The following FAM193B variants were observed in gnomAD, a reference collection of about 807,000 sequenced individuals.
FAM193B encodes the protein protein FAM193B.
FAM193B carries 27 observed loss-of-function variants against 70.7 expected under a neutral mutation model. The ratio of observed to expected loss-of-function variants is 0.38; its 90% CI spans 0.28 to 0.53. The LOEUF is 0.53. FAM193B is among the 20% of genes least tolerant of loss of function. FAM193B has a pLI of 0.81. For missense variants in FAM193B, 1,022 were observed against 1,072.5 expected (o/e 0.95, Z 0.66); for synonymous variants, 448 against 436.0 (o/e 1.03, Z -0.34).
rs367676525 is a variant in FAM193B at position 177,525,142 on chromosome 5, G to A, written c.1339C>T (p.Arg447Trp). ...LKQANRVSGS[R>W]EPRPARERLL... ...CTCTCCCTGGCAGGCCTTGGCTCCCGGCTTCCAGAAACACGATTTGCCTGC... is the reference window on the plus strand; with the variant it reads ...CTCTCCCTGGCAGGCCTTGGCTCCCAGCTTCCAGAAACACGATTTGCCTGC... The change falls in exon 6 of 9, where the codon CGG becomes TGG. Residue 447 changes from arginine to tryptophan, a missense_variant. Physicochemically the swap from Arg to Trp is moderately radical, Grantham distance 101 (BLOSUM62 -3). Coordinates refer to ENST00000514747, the MANE Select transcript of FAM193B (RefSeq NM_001190946.3). 7.8e-6 allele frequency: 12 copies of A among 1,531,520 alleles called. 1 individual carries two copies. Among genetic ancestry groups the A allele is most frequent in the South Asian group, 3.8e-5 (3 of 79,530 alleles). The allele number at this position is 1,531,520 out of a possible 1,614,324, so 94.9% of individuals were successfully genotyped here.
At chr5:177,525,486 A>G (rs1762445790) in intron 5 of FAM193B, 4 of 337,848 alleles carry the variant, frequency 1.2e-5, no homozygotes, top group East Asian at 9.0e-5. Context: ...AATGGGGACA[A>G]TAATTCCGGA....
At chr5:177,553,742 G>A (rs1475158760) in intron 1 of FAM193B, 1 of 1,287,768 alleles carries the variant, frequency 7.8e-7, no homozygotes, top group Admixed American at 2.3e-5. Context: ...CAACTGCTCT[G>A]CTGGGTATGG....
intron 1 of FAM193B, among the ~76,000 whole-genome samples, chr5:177,546,414 G>A (rs1456862147): frequency 2.6e-5 from 4 of 152,228 alleles, no homozygotes; most frequent in African/African-American, 9.6e-5. Flanking sequence ...GCTTGGGCCT[G>A]ACACATTGCA....
At position 177,524,875 on chromosome 5, in the gene FAM193B, G is replaced by A; in HGVS notation, c.1606C>T (p.Pro536Ser). The A allele has an allele frequency of 6.6e-7, 1 of 1,511,550 alleles. No homozygotes were observed. The highest frequency in any genetic ancestry group is 8.8e-7 in the Non-Finnish European group (1 of 1,131,784). The allele number at this position is 1,511,550 out of a possible 1,614,324, so 93.6% of individuals were successfully genotyped here. A position where few individuals can be genotyped will look rare whatever the true frequency, so the allele number is the denominator to read the frequency against. Residue 536 changes from proline to serine, a missense_variant, in exon 6 of 9, where the codon CCT becomes TCT. Physicochemically the swap from Pro to Ser is moderately conservative, Grantham distance 74. Transcript: ENST00000514747. ...QQPDINLDLS[P>S]LTLGSPQNHT... Reference sequence around the variant, plus strand: ...TTCTGAGGGGAGCCCAAAGTCAAAGGGGACAGGTCAAGGTTGATGTCAGGC... The same window carrying A: ...TTCTGAGGGGAGCCCAAAGTCAAAGAGGACAGGTCAAGGTTGATGTCAGGC...
At chr5:177,542,953 G>A (rs2127481037) in intron 1 of FAM193B, among the ~76,000 whole-genome samples, 1 of 152,284 alleles carries the variant, frequency 6.6e-6, no homozygotes, top group South Asian at 2.1e-4. Flanking sequence ...TTTGCTAGGT[G>A]TCCCCATGGC....
chr5:177,529,799 C>A (rs964052727), intron 5 of FAM193B, among the ~76,000 whole-genome samples: 4 of 152,178 alleles, frequency 2.6e-5, no homozygotes, highest in Admixed American at 6.5e-5. Context: ...GAACCACTGT[C>A]CTAAGAAGCC....
At chr5:177,521,860 A>G in intron 8 of FAM193B, 114 bp downstream of exon 8, 2 of 774,298 alleles carry the variant, frequency 2.6e-6, no homozygotes, top group Non-Finnish European at 4.4e-6. Flanking sequence ...CAGGGATCCC[A>G]TGCCCCAAGT....
intron 1 of FAM193B, among the ~76,000 whole-genome samples, chr5:177,548,273 T>C (rs960882776): frequency 1.3e-5 from 2 of 152,258 alleles, no homozygotes; most frequent in Non-Finnish European, 2.9e-5. Context: ...CACAATACTG[T>C]GAGCTTTTCA....
intron 8 of FAM193B, 89 bp downstream of exon 8, chr5:177,521,885 C>T: frequency 9.9e-7 from 1 of 1,006,918 alleles, no homozygotes; most frequent in Non-Finnish European, 1.6e-6. Flanking sequence ...CTCCCTGTGC[C>T]CCAGAGCACA....
Position 177,525,053 on chromosome 5 carries a change from C to T in FAM193B, c.1428G>A (p.Gln476=). ...RVNSFLSSRL[Q]EIKNTVKDSI... ...AGTCTTTGACAGTGTTTTTGATCTC[C>T]TGCAGACGGCTGCTCAGGAAGCTGT... The change falls in exon 6 of 9, where the codon CAG becomes CAA. Residue 476 remains glutamine (Q), a synonymous_variant. Transcript: ENST00000514747. 1 of 1,596,044 alleles carries T rather than the reference C, an allele frequency of 6.3e-7. No individual in the cohort carries two copies. Among genetic ancestry groups the T allele is most frequent in the Non-Finnish European group, 8.5e-7 (1 of 1,171,930 alleles).
intron 1 of FAM193B, chr5:177,554,021 G>A (rs1766690777): frequency 7.5e-7 from 1 of 1,328,712 alleles, no homozygotes; most frequent in Non-Finnish European, 9.7e-7. Context: ...CGGGGAGAGG[G>A]GAGCAGCTTC....
At chr5:177,522,190 G>T in intron 7 of FAM193B, 119 bp from the exon 8 acceptor site, 2 of 778,084 alleles carry the variant, frequency 2.6e-6, no homozygotes, top group Non-Finnish European at 2.1e-6. Context: ...AAACCTCTTT[G>T]GCTCTCAGGT....
Position 177,532,540 on chromosome 5 carries a change from C to T in FAM193B, c.1178G>A (p.Ser393Asn), listed in dbSNP as rs1763638236. Residue 393 changes from serine to asparagine, a missense_variant, in exon 5 of 9, where the codon AGC becomes AAC. Physicochemically the swap from Ser to Asn is conservative, Grantham distance 46. Transcript: ENST00000514747. This position sits in a 1 kb window ranked among gnomAD's most constrained non-coding sequence, Gnocchi z 4.9. ...ADEGLGEEED[S>N]SSERSSCTSS... ...GGTGCAGGAGCTTCGCTCAGAGCTG[C>T]TATCCTCTTCCTCACCCAGCCCCTC... 2 of 1,606,820 alleles carry T rather than the reference C, an allele frequency of 1.2e-6. No individual in the cohort carries two copies. Among genetic ancestry groups the T allele is most frequent in the African/African-American group, 1.3e-5 (1 of 74,902 alleles).
intron 1 of FAM193B, chr5:177,551,946 A>C: frequency 1.2e-6 from 1 of 819,260 alleles, no homozygotes; most frequent in Non-Finnish European, 1.5e-6. Context: ...CCCCGGTCAA[A>C]GTGGGGCATA....
At chr5:177,540,870 T>G (rs766309352) in intron 1 of FAM193B, among the ~76,000 whole-genome samples, 3 of 152,202 alleles carry the variant, frequency 2.0e-5, no homozygotes, top group Admixed American at 6.5e-5. Flanking sequence ...ATCACCCTCA[T>G]CCTACCAATA....
chr5:177,544,653 T>G (rs1288932926), intron 1 of FAM193B, among the ~76,000 whole-genome samples: 1 of 152,232 alleles, frequency 6.6e-6, no homozygotes, highest in Non-Finnish European at 1.5e-5. Flanking sequence ...TCTGATGAAA[T>G]TGGTGGTGAT....
chr5:177,532,004 T>A lies in FAM193B; in HGVS notation c.1275+439A>T. The A allele has an allele frequency of 7.7e-7, 1 of 1,291,128 alleles. No homozygotes were observed. Among genetic ancestry groups the A allele is most frequent in the Non-Finnish European group, 1.0e-6 (1 of 990,068 alleles). The allele number at this position is 1,291,128 out of a possible 1,614,324, so 80.0% of individuals were successfully genotyped here. On this transcript the variant is annotated intron_variant, in intron 5 of 8. Transcript: ENST00000514747. This position sits in a 1 kb window ranked among gnomAD's most constrained non-coding sequence, Gnocchi z 4.9. ...CCCCCTGGCCAGAGCCAGCATGCCC[T>A]CTGATCTGAGCCTCCTTCCTGGCGC...
chr5:177,551,573 A>C (rs1429420559), intron 1 of FAM193B, among the ~76,000 whole-genome samples: 1 of 152,236 alleles, frequency 6.6e-6, no homozygotes, highest in Non-Finnish European at 1.5e-5. Context: ...AAGTGGACCC[A>C]GCATCACCAT....
At chr5:177,525,325 A>G in intron 5 of FAM193B, 120 bp from the exon 6 acceptor site, 1 of 1,075,680 alleles carries the variant, frequency 9.3e-7, no homozygotes, top group Non-Finnish European at 1.2e-6. Context: ...AAGCCTTAAA[A>G]TCCTAGCCTG....
Sources: allele counts gnomAD v4.1 joint callset (sites outside exome capture counted in the v4.1 genomes callset), GRCh38; gene constraint gnomAD v4.1.1; non-coding constraint Gnocchi (gnomAD v3.1); transcripts MANE v1.5; gene names NCBI Gene and HGNC (gene_info 2026-07-23, HGNC 2026-07-21).